The following RC3H1 variants were observed in gnomAD, a reference collection of about 807,000 sequenced individuals.
RC3H1 encodes the protein roquin-1.
In RC3H1, 50 loss-of-function variants were observed where a neutral mutation model predicts 138.2. That is an observed-to-expected ratio of 0.36 (90% CI 0.29 to 0.46). The LOEUF is 0.46. RC3H1 is among the 20% of genes least tolerant of loss of function. The pLI, the probability that RC3H1 is intolerant of heterozygous loss-of-function variation, is 1.00. For synonymous variants in RC3H1, 462 were observed against 489.1 expected (o/e 0.94, Z 0.73); for missense variants, 1,031 against 1,388.1 (o/e 0.74, Z 4.09).
chr1:173,953,760 T>C (rs10912708), intron 13 of RC3H1, among the ~76,000 whole-genome samples: 18,960 of 151,860 alleles, frequency 0.12, 3,979 homozygotes, highest in African/African-American at 0.43. Flanking sequence ...ATAATGAGGC[T>C]GGGCAAGGTG....
At chr1:173,996,568 A>G (rs1661464537) in intron 1 of RC3H1, among the ~76,000 whole-genome samples, 1 of 152,192 alleles carries the variant, frequency 6.6e-6, no homozygotes, top group Non-Finnish European at 1.5e-5. Flanking sequence ...AGTTCCTCAC[A>G]GACCCTGGCC....
At chr1:173,998,967 A>G (rs1661511085) in intron 1 of RC3H1, among the ~76,000 whole-genome samples, 1 of 151,850 alleles carries the variant, frequency 6.6e-6, no homozygotes, top group Non-Finnish European at 1.5e-5. Context: ...GGTGGCACGT[A>G]CTTGTAGTCC....
chr1:173,989,135 T>A (rs1661157621), intron 2 of RC3H1, among the ~76,000 whole-genome samples: 1 of 152,240 alleles, frequency 6.6e-6, no homozygotes, highest in Non-Finnish European at 1.5e-5. Flanking sequence ...CAGGCTCAGA[T>A]GATGCTGCCA....
At chr1:174,014,291 G>A (rs1661819431) in intron 1 of RC3H1, among the ~76,000 whole-genome samples, 1 of 152,148 alleles carries the variant, frequency 6.6e-6, no homozygotes, top group Non-Finnish European at 1.5e-5. Context: ...ACTAACAGAG[G>A]AAACCGTGGG....
intron 1 of RC3H1, among the ~76,000 whole-genome samples, chr1:173,994,726 G>A (rs1001559304): frequency 6.8e-6 from 1 of 147,996 alleles, no homozygotes; most frequent in Non-Finnish European, 1.5e-5. Context: ...GAGCCCAGGA[G>A]TTTGAGGCTG....
At chr1:173,981,125 A>G (rs1660796447) in intron 5 of RC3H1, 116 bp from the exon 6 acceptor site, 2 of 801,108 alleles carry the variant, frequency 2.5e-6, no homozygotes, top group Non-Finnish European at 3.9e-6. Flanking sequence ...AAATGAATAT[A>G]CCATTTGCCT....
intron 1 of RC3H1, among the ~76,000 whole-genome samples, chr1:173,995,233 T>C (rs1055867685): frequency 5.3e-5 from 8 of 151,952 alleles, no homozygotes; most frequent in East Asian, 1.9e-4. Context: ...TGAGACTAGA[T>C]AGAATATAGT....
At chr1:173,966,640 G>A (rs568669872) in intron 9 of RC3H1, among the ~76,000 whole-genome samples, 32 of 151,842 alleles carry the variant, frequency 2.1e-4, no homozygotes, top group East Asian at 5.8e-4. Flanking sequence ...GCTTGAGCCC[G>A]GGAGGCGGAG....
In RC3H1 at chr1:173,983,587, G is replaced by T; in HGVS notation, c.423C>A (p.Val141=). 2 of 1,614,130 alleles carry T rather than the reference G, an allele frequency of 1.2e-6. No homozygotes were observed. Among genetic ancestry groups the T allele is most frequent in the Non-Finnish European group, 1.7e-6 (2 of 1,179,992 alleles). Residue 141 remains valine (V), a synonymous_variant, in exon 4 of 20, where the codon GTC becomes GTA. Transcript: ENST00000367696. The part of the protein sequence containing the change: ...RPMQRKLVTL[V]HCQLVEEEGR... ...CTTCTTCTTCTACTAGTTGACAGTG[G>T]ACTAGAGTCACAAGCTTCCTCTGCA...
chr1:174,018,727 A>T (rs1282665877), intron 1 of RC3H1, among the ~76,000 whole-genome samples: 1 of 152,212 alleles, frequency 6.6e-6, no homozygotes, highest in Non-Finnish European at 1.5e-5. Context: ...AATCCTGCAG[A>T]ATACCTGAAC....
In RC3H1 at chr1:173,961,791, G is replaced by A; in HGVS notation, c.2136C>T (p.Tyr712=). 1 of 1,613,346 alleles carries A rather than the reference G, an allele frequency of 6.2e-7. No individual in the cohort carries two copies. The highest frequency in any genetic ancestry group is 8.5e-7 in the Non-Finnish European group (1 of 1,179,962). ...CTGGATAGTAACTCTCGATCTGTTGGTATCTTTCTCTGGATTCTGGTACAT... is the reference window on the plus strand; with the variant it reads ...CTGGATAGTAACTCTCGATCTGTTGATATCTTTCTCTGGATTCTGGTACAT... The part of the protein sequence containing the change: ...PSYVPESRER[Y]QQIESYYPVA... The change falls in exon 12 of 20, where the codon TAC becomes TAT. Residue 712 remains tyrosine, a synonymous_variant. Coordinates refer to ENST00000367696, the MANE Select transcript of RC3H1 (RefSeq NM_172071.4).
Position 173,980,940 on chromosome 1 carries a change from G to T in RC3H1, c.838C>A (p.Arg280=), listed in dbSNP as rs765313753. 1.2e-6 allele frequency: 2 copies of T among 1,613,960 alleles called. No homozygotes were observed. Among genetic ancestry groups the T allele is most frequent in the South Asian group, 1.1e-5 (1 of 91,066 alleles). The change falls in exon 6 of 20, where the codon CGG becomes AGG. Residue 280 remains arginine, a synonymous_variant. Transcript: ENST00000367696. ...ACTATCTGGGAGTCATGTTCTCGCC[G>T]CAGAGCTTCATAGGTTCTAAATTCT... The part of the protein sequence containing the change: ...KEEFRTYEAL[R]REHDSQIVQI...
intron 1 of RC3H1, among the ~76,000 whole-genome samples, chr1:174,021,122 A>G (rs755585723): frequency 1.3e-5 from 2 of 152,240 alleles, no homozygotes; most frequent in Non-Finnish European, 2.9e-5. Flanking sequence ...CTATGGCCGG[A>G]GATGAACCAC....
rs1029631916 is a variant in RC3H1, at chr1:173,996,288, A to C, written c.-150-3153T>G. 2.0e-5 allele frequency among the ~76,000 whole-genome samples: 3 copies of C among 150,736 alleles called. No homozygotes were observed. In the East Asian group the frequency reaches 5.8e-4, roughly 29 times the overall value. ...AAAGAGACTCAAAATACATTAAGTA[A>C]AAAAAAAAGCCTTGAAGACCAATAT... On this transcript the variant is annotated intron_variant, in intron 1 of 19. Coordinates refer to ENST00000367696, the MANE Select transcript of RC3H1 (RefSeq NM_172071.4).
intron 13 of RC3H1, 193 bp downstream of exon 13, chr1:173,960,884 C>A (rs1659843164): frequency 2.0e-6 from 1 of 507,852 alleles, no homozygotes; most frequent in South Asian, 3.2e-5. Flanking sequence ...AAAAAAAGAT[C>A]TTGACTCCTA....
chr1:173,993,739 G>A (rs1249438393), intron 1 of RC3H1, among the ~76,000 whole-genome samples: 1 of 151,118 alleles, frequency 6.6e-6, no homozygotes, highest in Non-Finnish European at 1.5e-5. Flanking sequence ...AATAATCTTG[G>A]CTGGGTATGG....
At chr1:173,977,959 T>C (rs1660655161) in intron 7 of RC3H1, among the ~76,000 whole-genome samples, 1 of 152,200 alleles carries the variant, frequency 6.6e-6, no homozygotes, top group Non-Finnish European at 1.5e-5. Flanking sequence ...GTAGTAGGAA[T>C]AAACACAGAG....
At chr1:173,955,901 T>C (rs1392240671) in intron 13 of RC3H1, among the ~76,000 whole-genome samples, 2 of 151,660 alleles carry the variant, frequency 1.3e-5, no homozygotes, top group African/African-American at 2.4e-5. Flanking sequence ...GAGGCCGAGG[T>C]GGCTAGATCA....
intron 13 of RC3H1, among the ~76,000 whole-genome samples, chr1:173,958,499 T>C (rs1659735704): frequency 6.6e-6 from 1 of 151,332 alleles, no homozygotes; most frequent in Admixed American, 6.6e-5. Context: ...TGAGCCGAGA[T>C]CGCACCACTG....
Sources: gnomAD v4.1 joint callset for allele counts (sites outside exome capture counted in the v4.1 genomes callset) on GRCh38, gnomAD v4.1.1 for gene constraint, MANE v1.5 for transcripts, NCBI Gene and HGNC (gene_info 2026-07-23, HGNC 2026-07-21) for gene names.